UBE2E2: variants seen among roughly 807,000 people sequenced by gnomAD.
The protein encoded by UBE2E2 is ubiquitin conjugating enzyme E2 E2, also known as ubiquitin-conjugating enzyme E2 E2.
A neutral mutation model predicts 24.7 loss-of-function variants in UBE2E2; 6 were observed. The observed-to-expected ratio is 0.24, with a 90% CI of 0.13 to 0.48. The LOEUF is 0.48. Ranked by LOEUF, UBE2E2 falls within the 20% of genes least tolerant of loss-of-function variation. The pLI is 0.99. For synonymous variants in UBE2E2, 104 were observed against 83.6 expected, an observed-to-expected ratio of 1.24 and a Z score of -1.33; for missense variants, 169 against 245.0, an observed-to-expected ratio of 0.69 and a Z score of 2.07.
At chr3:23,426,672 C>A (rs1697935551) in intron 3 of UBE2E2, among the ~76,000 whole-genome samples, 1 of 152,094 alleles carries the variant, frequency 6.6e-6, no homozygotes, top group African/African-American at 2.4e-5. Flanking sequence ...AGAGGTAAGA[C>A]TTTCTAGCTA....
intron 3 of UBE2E2, among the ~76,000 whole-genome samples, chr3:23,460,701 T>G (rs1698789945): frequency 6.6e-6 from 1 of 152,152 alleles, no homozygotes; most frequent in Non-Finnish European, 1.5e-5. Flanking sequence ...AAGAGGTGGT[T>G]TTTGAGCTTG....
At chr3:23,438,767 CTT>C (rs1344390944) in intron 3 of UBE2E2, among the ~76,000 whole-genome samples, 2 of 152,244 alleles carry the variant, frequency 1.3e-5, no homozygotes, top group African/African-American at 2.4e-5. Flanking sequence ...AAAAGAGAAA[CTT>C]AACATAGTTC....
intron 4 of UBE2E2, among the ~76,000 whole-genome samples, chr3:23,523,568 G>C (rs906177877): frequency 7.9e-6 from 1 of 125,968 alleles, no homozygotes; most frequent in East Asian, 2.5e-4. Context: ...TTTAATTTCA[G>C]TTCCTTCACT....
chr3:23,303,814 A>G (rs1444000794), intron 3 of UBE2E2, among the ~76,000 whole-genome samples: 1 of 152,218 alleles, frequency 6.6e-6, no homozygotes, highest in Non-Finnish European at 1.5e-5. Flanking sequence ...CTGTTGAAGT[A>G]TAATAATTAA....
At chr3:23,364,989 T>A (rs1465114260) in intron 3 of UBE2E2, among the ~76,000 whole-genome samples, 1 of 152,150 alleles carries the variant, frequency 6.6e-6, no homozygotes, top group African/African-American at 2.4e-5. Context: ...ATAAATGTGA[T>A]TTGCCACAAA....
intron 5 of UBE2E2, among the ~76,000 whole-genome samples, chr3:23,554,645 C>A (rs1695731036): frequency 6.6e-6 from 1 of 152,156 alleles, no homozygotes; most frequent in Non-Finnish European, 1.5e-5. Context: ...TGGGTAAAAG[C>A]TCCTTGACAT....
At chr3:23,221,675 C>T (rs980028662) in intron 3 of UBE2E2, among the ~76,000 whole-genome samples, 3 of 151,526 alleles carry the variant, frequency 2.0e-5, no homozygotes, top group African/African-American at 2.4e-5. Flanking sequence ...TCGCTCTTGT[C>T]GCCCAAACTA....
chr3:23,219,178 A>G (rs975949601), intron 3 of UBE2E2, among the ~76,000 whole-genome samples: 2 of 152,140 alleles, frequency 1.3e-5, no homozygotes, highest in African/African-American at 2.4e-5. Flanking sequence ...CCTTTTATTG[A>G]TTCTAAAACA....
intron 3 of UBE2E2, among the ~76,000 whole-genome samples, chr3:23,235,739 A>G (rs1340709242): frequency 6.6e-6 from 1 of 152,112 alleles, no homozygotes; most frequent in South Asian, 2.1e-4. Context: ...GAACAGAGAA[A>G]GAAATCATGG....
Position 23,561,906 on chromosome 3 carries a change from G to T in UBE2E2, c.509-27828G>T, listed in dbSNP as rs552445982. ...GTGTATAAGAATGCTTGTGATTTTT[G>T]CACATTGATTTTGTATCCTGAGACT... On this transcript the variant is annotated intron_variant, in intron 5 of 5. Coordinates refer to ENST00000396703, the MANE Select transcript of UBE2E2 (RefSeq NM_152653.4). Among the ~76,000 whole-genome samples the T allele has an allele frequency of 9.2e-5, 14 of 152,196 alleles. No homozygotes were observed. In the East Asian group the frequency reaches 2.3e-3, roughly 25 times the overall value.
chr3:23,226,997 G>T (rs1696844846), intron 3 of UBE2E2, among the ~76,000 whole-genome samples: 1 of 151,246 alleles, frequency 6.6e-6, no homozygotes, highest in African/African-American at 2.4e-5. Flanking sequence ...AAAGGCAGTG[G>T]AAATGGGAGA....
At chr3:23,430,765 C>T (rs1698042257) in intron 3 of UBE2E2, among the ~76,000 whole-genome samples, 1 of 152,136 alleles carries the variant, frequency 6.6e-6, no homozygotes, top group Non-Finnish European at 1.5e-5. Context: ...AAGGAATCCT[C>T]CTACCTCAGC....
At chr3:23,217,715 CATT>C (rs1696515580) in intron 3 of UBE2E2, among the ~76,000 whole-genome samples, 1 of 151,958 alleles carries the variant, frequency 6.6e-6, no homozygotes, top group African/African-American at 2.4e-5. Context: ...AATGCAGACA[CATT>C]AAACAGTGTT....
rs67901258 is a variant in UBE2E2 at position 23,535,618 on chromosome 3, C to CTTTT, written c.508+2937_508+2940dup. Among the ~76,000 whole-genome samples the CTTTT allele has an allele frequency of 3.9e-3, 332 of 85,976 alleles. 5 individuals carry two copies. Among genetic ancestry groups the CTTTT allele is most frequent in the East Asian group, 4.4e-3 (12 of 2,700 alleles). The allele number at this position is 85,976 out of a possible 152,430, so 56.4% of individuals were successfully genotyped here. On this transcript the variant is annotated intron_variant, in intron 5 of 5. Transcript: ENST00000396703. ...TGTTTATTGAGCCTGATAGAGCATT[C>CTTTT]TTTTTTTTTTTTTTTTTTTTTTTGA...
At chr3:23,480,864 T>C (rs1261156513) in intron 3 of UBE2E2, among the ~76,000 whole-genome samples, 1 of 152,290 alleles carries the variant, frequency 6.6e-6, no homozygotes, top group Admixed American at 6.5e-5. Context: ...ACCTTTCTAG[T>C]GTAAGAAATA....
At chr3:23,348,362 A>AC (rs1037925934) in intron 3 of UBE2E2, among the ~76,000 whole-genome samples, 6 of 151,934 alleles carry the variant, frequency 3.9e-5, no homozygotes, top group Non-Finnish European at 5.9e-5. Flanking sequence ...AAAAAAAAAA[A>AC]AAGAATAGTC....
At chr3:23,498,556 C>G (rs1699655080) in intron 3 of UBE2E2, among the ~76,000 whole-genome samples, 1 of 152,206 alleles carries the variant, frequency 6.6e-6, no homozygotes, top group East Asian at 1.9e-4. Flanking sequence ...AACTTGGTAT[C>G]TCCCTCCATT....
At chr3:23,323,883 A>G (rs865994585) in intron 3 of UBE2E2, among the ~76,000 whole-genome samples, 2 of 152,112 alleles carry the variant, frequency 1.3e-5, no homozygotes, top group African/African-American at 4.8e-5. Context: ...TGTTCATGCC[A>G]TGATTGATTA....
intron 3 of UBE2E2, among the ~76,000 whole-genome samples, chr3:23,308,520 CATT>C (rs777903712): frequency 6.6e-6 from 1 of 152,130 alleles, no homozygotes; most frequent in Non-Finnish European, 1.5e-5. Flanking sequence ...TGTTGACAAT[CATT>C]ATAAAATTGT....
Sources: allele counts gnomAD v4.1 joint callset (sites outside exome capture counted in the v4.1 genomes callset), GRCh38; gene constraint gnomAD v4.1.1; transcripts MANE v1.5; gene names NCBI Gene and HGNC (gene_info 2026-07-23, HGNC 2026-07-21).